The following HPSE2 variants were observed in gnomAD, a reference collection of about 807,000 sequenced individuals.
HPSE2 encodes the protein inactive heparanase-2.
HPSE2 carries 38 observed loss-of-function variants against 60.5 expected under a neutral mutation model. The observed-to-expected ratio is 0.63, with a 90% CI of 0.48 to 0.82. The LOEUF (loss-of-function observed/expected upper bound fraction) is 0.82, where lower values mean the gene tolerates loss of function less well. Ranked by LOEUF, HPSE2 falls within the 40% of genes least tolerant of loss-of-function variation. The probability of loss-of-function intolerance (pLI) is 0.00; values close to 1 mark genes in which losing one functional copy is unlikely to be tolerated. For synonymous variants in HPSE2, 295 were observed against 293.2 expected (o/e 1.01, Z -0.06); for missense variants, 713 against 740.4 (o/e 0.96, Z 0.43).
intron 9 of HPSE2, among the ~76,000 whole-genome samples, chr10:98,576,460 A>G (rs780724773): frequency 3.3e-5 from 5 of 152,100 alleles, no homozygotes; most frequent in Non-Finnish European, 7.4e-5. Context: ...ACATAAAACT[A>G]TACTCAATAA....
chr10:98,850,513 G>C (rs1388440500), intron 3 of HPSE2, among the ~76,000 whole-genome samples: 16 of 152,074 alleles, frequency 1.1e-4, no homozygotes, highest in African/African-American at 3.4e-4. Context: ...GAAGCGGGCA[G>C]ATCACGAGGT....
rs536766390 is a variant in HPSE2, at chr10:98,962,656, C to T, written c.610+181582G>A. Among the ~76,000 whole-genome samples the T allele has an allele frequency of 3.0e-3, 457 of 150,170 alleles. 5 individuals are homozygous for T. The highest frequency in any genetic ancestry group is 1.6e-3 in the Non-Finnish European group (108 of 67,654). On this transcript the variant is annotated intron_variant, in intron 3 of 11. Transcript: ENST00000370552. ...AAGTCAAATTGTCCCTGTTTGCAGA[C>T]GACATGATTGTTTATCTAGAAAACC...
chr10:98,764,001 T>C (rs1950064013), intron 3 of HPSE2, among the ~76,000 whole-genome samples: 1 of 152,144 alleles, frequency 6.6e-6, no homozygotes, highest in African/African-American at 2.4e-5. Flanking sequence ...CAACACTGTC[T>C]GAAGGAACTT....
chr10:98,535,474 C>T (rs1943255063), intron 9 of HPSE2, among the ~76,000 whole-genome samples: 1 of 152,150 alleles, frequency 6.6e-6, no homozygotes, highest in Admixed American at 6.5e-5. Context: ...GGACTCCTCT[C>T]TTGCCAGACA....
At chr10:98,629,113 T>C (rs533445898) in intron 7 of HPSE2, among the ~76,000 whole-genome samples, 1 of 152,296 alleles carries the variant, frequency 6.6e-6, no homozygotes, top group East Asian at 1.9e-4. Context: ...ACATGTTGTT[T>C]ATGGTTATCC....
intron 3 of HPSE2, among the ~76,000 whole-genome samples, chr10:98,799,726 G>GA (rs542017396): frequency 3.2e-4 from 48 of 151,176 alleles, no homozygotes; most frequent in Middle Eastern, 3.4e-3. Context: ...AAAATTTCTT[G>GA]AAAAAAAAGA....
intron 3 of HPSE2, among the ~76,000 whole-genome samples, chr10:98,800,436 ATAT>A (rs1268591378): frequency 2.0e-5 from 3 of 147,734 alleles, no homozygotes; most frequent in Non-Finnish European, 3.0e-5. Context: ...TACATAAAAT[ATAT>A]TATAATTTTA....
chr10:98,678,267 AC>A (rs1565072442), intron 6 of HPSE2, among the ~76,000 whole-genome samples: 1 of 152,162 alleles, frequency 6.6e-6, no homozygotes, highest in Non-Finnish European at 1.5e-5. Context: ...TCCCCCATCC[AC>A]ATGTCAGAGA....
At chr10:98,593,953 G>A (rs1463285588) in intron 9 of HPSE2, among the ~76,000 whole-genome samples, 7 of 151,894 alleles carry the variant, frequency 4.6e-5, no homozygotes. Flanking sequence ...TGAACTTTTG[G>A]TATATACTAT....
At chr10:98,981,865 C>A (rs1015418437) in intron 3 of HPSE2, among the ~76,000 whole-genome samples, 1 of 152,076 alleles carries the variant, frequency 6.6e-6, no homozygotes, top group Non-Finnish European at 1.5e-5. Context: ...TTCCCTAATA[C>A]CCCAATCCCT....
intron 3 of HPSE2, among the ~76,000 whole-genome samples, chr10:99,115,877 C>T (rs1205416468): frequency 6.6e-6 from 1 of 152,122 alleles, no homozygotes; most frequent in Non-Finnish European, 1.5e-5. Flanking sequence ...AGTCATGTGC[C>T]TTTTAATCTC....
In HPSE2 at chr10:99,147,461, T is replaced by C. The variant is rs1035430745; in HGVS notation, c.449-3062A>G. 2.6e-5 allele frequency among the ~76,000 whole-genome samples: 4 copies of C among 152,052 alleles called. No individual in the cohort carries two copies. In the East Asian group the frequency reaches 5.8e-4, roughly 22 times the overall value. On this transcript the variant is annotated intron_variant, in intron 2 of 11. Transcript: ENST00000370552. ...TCTGACACAAGTCTAATTTGAAGAG[T>C]AGAACACCAACTAAACTCCCTATTT...
chr10:98,917,785 C>T (rs1954162590), intron 3 of HPSE2, among the ~76,000 whole-genome samples: 1 of 152,138 alleles, frequency 6.6e-6, no homozygotes, highest in Non-Finnish European at 1.5e-5. Context: ...TTTAGTAACA[C>T]TTGTACAGGA....
At chr10:98,802,589 C>G (rs1021605601) in intron 3 of HPSE2, among the ~76,000 whole-genome samples, 1 of 149,440 alleles carries the variant, frequency 6.7e-6, no homozygotes, top group African/African-American at 2.5e-5. Flanking sequence ...TTTGTTCTTG[C>G]GATAGTTTAC....
the HPSE2 span, among the ~76,000 whole-genome samples, chr10:99,281,294 AAT>A: frequency 1.3e-4 from 19 of 148,704 alleles, no homozygotes; most frequent in Non-Finnish European, 2.5e-4. Flanking sequence ...TTGTATAAGT[AAT>A]ATGTTACTTA....
intron 5 of HPSE2, among the ~76,000 whole-genome samples, 199 bp downstream of exon 5, chr10:98,721,458 T>C (rs1948920741): frequency 6.6e-6 from 1 of 152,090 alleles, no homozygotes; most frequent in Non-Finnish European, 1.5e-5. Flanking sequence ...CCACCCCCTG[T>C]TGACTATGGA....
At chr10:99,068,830 T>G (rs1842696373) in intron 3 of HPSE2, among the ~76,000 whole-genome samples, 1 of 152,058 alleles carries the variant, frequency 6.6e-6, no homozygotes, top group Admixed American at 6.6e-5. Context: ...TGTAAATGAG[T>G]ATTATGAACA....
At chr10:99,003,893 G>T (rs1956832630) in intron 3 of HPSE2, among the ~76,000 whole-genome samples, 1 of 151,868 alleles carries the variant, frequency 6.6e-6, no homozygotes, top group African/African-American at 2.4e-5. Context: ...TTTATCCCTA[G>T]ATTTTCTTCC....
chr10:98,761,289 A>C (rs2134387523), intron 3 of HPSE2, among the ~76,000 whole-genome samples: 1 of 152,290 alleles, frequency 6.6e-6, no homozygotes, highest in Admixed American at 6.5e-5. Flanking sequence ...AAGATCAAGG[A>C]AGCTAAGAGT....
Sources: gnomAD v4.1 joint callset for allele counts (sites outside exome capture counted in the v4.1 genomes callset) on GRCh38, gnomAD v4.1.1 for gene constraint, MANE v1.5 for transcripts, NCBI Gene and HGNC (gene_info 2026-07-23, HGNC 2026-07-21) for gene names.